TWIST2: variants seen among roughly 807,000 people sequenced by gnomAD.
The protein encoded by TWIST2 is twist family bHLH transcription factor 2.
Under a neutral mutation model 11.6 loss-of-function variants are expected in TWIST2, and 1 was observed. The ratio of observed to expected loss-of-function variants is 0.09; its 90% CI spans 0.03 to 0.41. TWIST2 has a LOEUF of 0.41. TWIST2 is among the 10% of genes least tolerant of loss of function. The pLI, the probability that TWIST2 is intolerant of heterozygous loss-of-function variation, is 0.98. For synonymous variants in TWIST2, 87 were observed against 96.6 expected, an observed-to-expected ratio of 0.90 and a Z score of 0.58; for missense variants, 168 against 226.4, an observed-to-expected ratio of 0.74 and a Z score of 1.66.
At chr2:238,902,971 TGTGATGTGGGTGTGTGATGGGTATGTGC>T (rs1693293348) in intron 1 of TWIST2, among the ~76,000 whole-genome samples, 1 of 3,926 alleles carries the variant, frequency 2.5e-4, no homozygotes, top group Non-Finnish European at 4.8e-4. Flanking sequence ...GTGATGTGTG[TGTGATGTGGGTGTGTGATGGGTATGTGC>T]GTGATGTGAG....
At chr2:238,905,998 T>TGTGCGC (rs1693349313) in intron 1 of TWIST2, among the ~76,000 whole-genome samples, 3 of 102,368 alleles carry the variant, frequency 2.9e-5, no homozygotes, top group East Asian at 4.4e-4. Flanking sequence ...TGCGCGTGTG[T>TGTGCGC]GCGTGTGCGT....
chr2:238,897,274 G>A (rs1038222730), intron 1 of TWIST2, among the ~76,000 whole-genome samples: 3 of 152,164 alleles, frequency 2.0e-5, no homozygotes, highest in Non-Finnish European at 4.4e-5. Context: ...GGGATGGTAA[G>A]CTTTTGCTGT....
At chr2:238,860,704 G>A (rs373323952) in intron 1 of TWIST2, among the ~76,000 whole-genome samples, 2 of 152,196 alleles carry the variant, frequency 1.3e-5, no homozygotes, top group African/African-American at 4.8e-5. Context: ...TTGGGAGGCC[G>A]AGGCGGGTGG....
intron 1 of TWIST2, among the ~76,000 whole-genome samples, chr2:238,908,381 ATG>A: frequency 6.6e-6 from 1 of 150,564 alleles, no homozygotes; most frequent in African/African-American, 2.4e-5. Flanking sequence ...CACAAACCAC[ATG>A]CACCACACAC....
In TWIST2 at chr2:238,848,085, G is replaced by C. The variant is rs1692163094; in HGVS notation, c.-131G>C. 1 of 733,044 alleles carries C rather than the reference G, an allele frequency of 1.4e-6. No homozygotes were observed. Among genetic ancestry groups the C allele is most frequent in the African/African-American group, 1.9e-5 (1 of 53,244 alleles). The allele number at this position is 733,044 out of a possible 1,614,324, so 45.4% of individuals were successfully genotyped here. A position where few individuals can be genotyped will look rare whatever the true frequency, so the allele number is the denominator to read the frequency against. On this transcript the variant is annotated 5_prime_UTR_variant, in exon 1 of 2. Transcript: ENST00000612363. ...TTCCTCTCCCGGAGACCTCGGTTTT[G>C]CACAAGCCGGCCTTGAAATCAGAGC...
chr2:238,848,482 G>A lies in TWIST2; in HGVS notation c.267G>A (p.Leu89=). ...CGCTCAACGAGGCCTTCGCGGCGCT[G>A]CGCAAGATCATCCCCACGCTGCCCT... ...TQSLNEAFAA[L]RKIIPTLPSD... Residue 89 remains leucine, a synonymous_variant, in exon 1 of 2, where the codon CTG becomes CTA. Coordinates refer to ENST00000612363, the MANE Select transcript of TWIST2 (RefSeq NM_001271893.4). 6.3e-7 allele frequency: 1 copy of A among 1,578,016 alleles called. No individual in the cohort carries two copies. The highest frequency in any genetic ancestry group is 8.6e-7 in the Non-Finnish European group (1 of 1,164,124).
At chr2:238,889,288 T>C (rs1273899833) in intron 1 of TWIST2, among the ~76,000 whole-genome samples, 2 of 152,224 alleles carry the variant, frequency 1.3e-5, no homozygotes, top group African/African-American at 4.8e-5. Context: ...TCGGGCAAAC[T>C]TGGGACAAGG....
At chr2:238,883,765 C>A (rs535150184) in intron 1 of TWIST2, among the ~76,000 whole-genome samples, 4 of 152,136 alleles carry the variant, frequency 2.6e-5, no homozygotes, top group African/African-American at 7.2e-5. Context: ...CCATGCCTTG[C>A]GGAGAGGGAG....
chr2:238,868,752 G>A (rs1692591118), intron 1 of TWIST2, among the ~76,000 whole-genome samples: 1 of 152,236 alleles, frequency 6.6e-6, no homozygotes, highest in Admixed American at 6.5e-5. Flanking sequence ...GCTGGGCTCA[G>A]TGTGGTGCCA....
chr2:238,871,639 A>C (rs1692705055), intron 1 of TWIST2, among the ~76,000 whole-genome samples: 6 of 81,740 alleles, frequency 7.3e-5, no homozygotes, highest in Non-Finnish European at 7.3e-5. Context: ...CACACACCCC[A>C]CACACAAACA....
At chr2:238,851,757 T>C (rs1465856214) in intron 1 of TWIST2, among the ~76,000 whole-genome samples, 1 of 152,194 alleles carries the variant, frequency 6.6e-6, no homozygotes, top group African/African-American at 2.4e-5. Context: ...AGAATCCCAA[T>C]GGAGCTTTTG....
chr2:238,899,643 C>T (rs1693245453), intron 1 of TWIST2, among the ~76,000 whole-genome samples: 1 of 152,240 alleles, frequency 6.6e-6, no homozygotes, highest in Non-Finnish European at 1.5e-5. Context: ...CATGCTCTCA[C>T]CGTCCCTCCT....
At chr2:238,883,242 C>A (rs1354022228) in intron 1 of TWIST2, among the ~76,000 whole-genome samples, 1 of 152,182 alleles carries the variant, frequency 6.6e-6, no homozygotes, top group Admixed American at 6.5e-5. Flanking sequence ...TTCCTCCCCC[C>A]AGGCAGTCAC....
chr2:238,903,279 G>A (rs892853225), intron 1 of TWIST2, among the ~76,000 whole-genome samples: 3,303 of 150,174 alleles, frequency 0.022, 50 homozygotes, highest in South Asian at 0.06. Context: ...TGTGGGGTGT[G>A]TCTAATGTGA....
intron 1 of TWIST2, among the ~76,000 whole-genome samples, chr2:238,886,056 A>G (rs1337059923): frequency 6.7e-6 from 1 of 150,010 alleles, no homozygotes; most frequent in African/African-American, 2.5e-5. Context: ...AGATTGCGCC[A>G]TTGCACTCCA....
chr2:238,891,101 T>C (rs1394560612), intron 1 of TWIST2, among the ~76,000 whole-genome samples: 9 of 152,218 alleles, frequency 5.9e-5, no homozygotes, highest in East Asian at 1.9e-4. Context: ...ATTAGATTTG[T>C]GGATCATGAC....
intron 1 of TWIST2, among the ~76,000 whole-genome samples, chr2:238,902,902 T>TGTG (rs1693291716): frequency 1.2e-4 from 6 of 51,784 alleles, no homozygotes; most frequent in Admixed American, 2.1e-4. Context: ...GGGTGTGTGA[T>TGTG]GGGTATGTGC....
At chr2:238,908,820 T>G (rs1693400851) in intron 1 of TWIST2, among the ~76,000 whole-genome samples, 1 of 150,438 alleles carries the variant, frequency 6.6e-6, no homozygotes, top group African/African-American at 2.5e-5. Flanking sequence ...GTGCGGTATG[T>G]TTGTGTGGTG....
At chr2:238,899,126 C>T (rs988284343) in intron 1 of TWIST2, among the ~76,000 whole-genome samples, 2 of 152,390 alleles carry the variant, frequency 1.3e-5, no homozygotes, top group East Asian at 3.9e-4. Flanking sequence ...GTCCTGGCCT[C>T]GGCCTGCCAA....
Sources: allele counts gnomAD v4.1 joint callset (sites outside exome capture counted in the v4.1 genomes callset), GRCh38; gene constraint gnomAD v4.1.1; transcripts MANE v1.5; gene names NCBI Gene and HGNC (gene_info 2026-07-23, HGNC 2026-07-21).